MCC: variants seen among roughly 807,000 people sequenced by gnomAD.
MCC encodes colorectal mutant cancer protein.
Under a neutral mutation model 116.2 loss-of-function variants are expected in MCC, and 90 were observed. The observed-to-expected ratio is 0.77, with a 90% CI of 0.65 to 0.92. The LOEUF is 0.92. Among genes scored for constraint, MCC ranks in the 40% least tolerant of loss-of-function variants. The pLI, the probability that MCC is intolerant of heterozygous loss-of-function variation, is 0.00. For synonymous variants in MCC, 578 were observed against 510.5 expected (o/e 1.13, Z -1.78); for missense variants, 1,516 against 1,312.2 (o/e 1.16, Z -2.40).
intron 3 of MCC, among the ~76,000 whole-genome samples, chr5:113,202,757 C>T (rs1305129951): frequency 6.7e-6 from 1 of 150,106 alleles, no homozygotes; most frequent in Non-Finnish European, 1.5e-5. Context: ...TCCCCTCAGC[C>T]CCAATGCAGA....
intron 3 of MCC, among the ~76,000 whole-genome samples, chr5:113,179,115 C>G (rs139179640): frequency 6.6e-6 from 1 of 152,190 alleles, no homozygotes; most frequent in Admixed American, 6.5e-5. Flanking sequence ...CCTTTAAGAA[C>G]ACAGGCTGTG....
intron 3 of MCC, among the ~76,000 whole-genome samples, chr5:113,178,705 A>C (rs1057480295): frequency 6.6e-6 from 1 of 152,196 alleles, no homozygotes; most frequent in Non-Finnish European, 1.5e-5. Context: ...TAACCTCAAC[A>C]ATTTTACCAT....
At chr5:113,284,061 T>C (rs1766154514) in intron 3 of MCC, among the ~76,000 whole-genome samples, 2 of 152,266 alleles carry the variant, frequency 1.3e-5, no homozygotes, top group Non-Finnish European at 2.9e-5. Context: ...ATGTATCATA[T>C]AAAATGTGTT....
At chr5:113,402,721 G>T (rs1371947296) in intron 1 of MCC, among the ~76,000 whole-genome samples, 1 of 152,154 alleles carries the variant, frequency 6.6e-6, no homozygotes, top group African/African-American at 2.4e-5. Flanking sequence ...ATGAGGGCTT[G>T]TAGTCTGATT....
chr5:113,380,870 G>C (rs1379102915), intron 2 of MCC, among the ~76,000 whole-genome samples: 1 of 152,230 alleles, frequency 6.6e-6, no homozygotes, highest in Non-Finnish European at 1.5e-5. Context: ...CAGTGTGACT[G>C]TGGCAAACAT....
At chr5:113,278,786 A>G (rs11741794) in intron 3 of MCC, among the ~76,000 whole-genome samples, 19,619 of 152,134 alleles carry the variant, frequency 0.13, 2,073 homozygotes, top group Admixed American at 0.26. Flanking sequence ...AAGGGTTTCT[A>G]GGCAGGGAAA....
intron 5 of MCC, among the ~76,000 whole-genome samples, chr5:113,126,812 A>T (rs563179802): frequency 2.6e-5 from 4 of 152,314 alleles, no homozygotes; most frequent in African/African-American, 9.6e-5. Flanking sequence ...GTCATGAGCT[A>T]TGTGTGGATT....
intron 2 of MCC, among the ~76,000 whole-genome samples, chr5:113,372,825 G>A (rs1768869844): frequency 6.6e-6 from 1 of 151,934 alleles, no homozygotes; most frequent in South Asian, 2.1e-4. Context: ...CCAAAGTGAT[G>A]GGATTATAAG....
intron 17 of MCC, among the ~76,000 whole-genome samples, chr5:113,040,049 G>C (rs572826445): frequency 1.3e-5 from 2 of 151,498 alleles, no homozygotes; most frequent in Non-Finnish European, 2.9e-5. Flanking sequence ...AAAACATCTC[G>C]TGTGCCAGAC....
intron 3 of MCC, among the ~76,000 whole-genome samples, chr5:113,195,197 A>G (rs889315752): frequency 1.3e-5 from 2 of 152,244 alleles, no homozygotes; most frequent in African/African-American, 4.8e-5. Context: ...GAGGGGGTCG[A>G]TCAATATCCA....
chr5:113,028,775 C>T (rs1261135978), intron 18 of MCC, among the ~76,000 whole-genome samples, 159 bp downstream of exon 18: 1 of 152,166 alleles, frequency 6.6e-6, no homozygotes, highest in African/African-American at 2.4e-5. Context: ...TAAGGAAGAC[C>T]AGGCTCTTAG....
At position 113,385,117 on chromosome 5, in the gene MCC, G is replaced by A. The variant is rs1431009675; in HGVS notation, c.266C>T (p.Ser89Phe). Reference sequence around the variant, plus strand: ...GCGGCATCTTGTGAAATCCTGAAAGGAAATCTTCCCATTTTCATCTGCTCC... The same window carrying A: ...GCGGCATCTTGTGAAATCCTGAAAGAAAATCTTCCCATTTTCATCTGCTCC... The part of the protein sequence containing the change: ...QLGADENGKI[S>F]FQDFTRCRMQ... The change falls in exon 2 of 19, where the codon TCC becomes TTC. Residue 89 changes from serine (S) to phenylalanine (F), a missense_variant. Physicochemically the swap from Ser to Phe is radical, Grantham distance 155 (BLOSUM62 -2). Coordinates refer to ENST00000408903, the MANE Select transcript of MCC (RefSeq NM_001085377.2). The A allele has an allele frequency of 6.2e-6, 10 of 1,613,994 alleles. No homozygotes were observed. Among genetic ancestry groups the A allele is most frequent in the Non-Finnish European group, 8.5e-6 (10 of 1,180,028 alleles).
chr5:113,363,793 C>A (rs984129814), intron 2 of MCC, among the ~76,000 whole-genome samples: 2 of 152,174 alleles, frequency 1.3e-5, no homozygotes, highest in East Asian at 3.9e-4. Context: ...ACTCAAAAGT[C>A]CAAAGTCCAA....
At chr5:113,115,403 T>G (rs1039486108) in intron 6 of MCC, among the ~76,000 whole-genome samples, 3 of 152,258 alleles carry the variant, frequency 2.0e-5, no homozygotes, top group African/African-American at 7.2e-5. Flanking sequence ...GACTTCTATT[T>G]TAGTAAAATC....
At chr5:113,293,123 G>C (rs1766571256) in intron 3 of MCC, among the ~76,000 whole-genome samples, 1 of 152,116 alleles carries the variant, frequency 6.6e-6, no homozygotes, top group African/African-American at 2.4e-5. Flanking sequence ...GCAGCAGCAT[G>C]ACACTTAAGA....
chr5:113,343,110 T>G (rs1209779351), intron 2 of MCC, among the ~76,000 whole-genome samples: 1 of 152,226 alleles, frequency 6.6e-6, no homozygotes, highest in African/African-American at 2.4e-5. Flanking sequence ...CTGCAGTTTG[T>G]GTACAGTGAG....
At chr5:113,212,013 A>C (rs1273368320) in intron 3 of MCC, among the ~76,000 whole-genome samples, 1 of 152,216 alleles carries the variant, frequency 6.6e-6, no homozygotes, top group African/African-American at 2.4e-5. Context: ...CCCTGAGAGA[A>C]TATCTCTAAG....
At chr5:113,343,932 C>A (rs1768072605) in intron 2 of MCC, among the ~76,000 whole-genome samples, 2 of 152,202 alleles carry the variant, frequency 1.3e-5, no homozygotes. Context: ...ATTTTAACAA[C>A]TACCTACACA....
At chr5:113,400,448 G>T (rs1400253284) in intron 1 of MCC, among the ~76,000 whole-genome samples, 1 of 151,896 alleles carries the variant, frequency 6.6e-6, no homozygotes, top group African/African-American at 2.4e-5. Context: ...TTAATTTGAT[G>T]TTTCCTATTG....
Sources: allele counts gnomAD v4.1 joint callset (sites outside exome capture counted in the v4.1 genomes callset), GRCh38; gene constraint gnomAD v4.1.1; transcripts MANE v1.5; gene names NCBI Gene and HGNC (gene_info 2026-07-23, HGNC 2026-07-21).